Variants in RUNX1T1 observed in about 807,000 individuals in gnomAD.
The protein encoded by RUNX1T1 is protein CBFA2T1.
RUNX1T1 carries 4 observed loss-of-function variants against 62.8 expected under a neutral mutation model. The observed-to-expected ratio is 0.06, with a 90% confidence interval of 0.03 to 0.15. The LOEUF is 0.15. RUNX1T1 is among the 10% of genes least tolerant of loss of function. RUNX1T1 has a pLI of 1.00. For missense variants in RUNX1T1, 508 were observed against 754.3 expected (o/e 0.67, Z 3.82); for synonymous variants, 291 against 286.0 (o/e 1.02, Z -0.18).
chr8:92,054,410 T>C (rs1053065501), intron 1 of RUNX1T1, among the ~76,000 whole-genome samples: 2 of 152,170 alleles, frequency 1.3e-5, no homozygotes, highest in African/African-American at 4.8e-5. Flanking sequence ...CTGTCTCCTA[T>C]TTTTTAACTC....
intron 1 of RUNX1T1, among the ~76,000 whole-genome samples, chr8:92,054,546 CAAAG>C (rs755969293): frequency 1.3e-5 from 2 of 152,150 alleles, no homozygotes; most frequent in African/African-American, 2.4e-5. Flanking sequence ...ACTTTTAAGA[CAAAG>C]AGAGTGAAAC....
intron 10 of RUNX1T1, among the ~76,000 whole-genome samples, chr8:91,967,143 C>T (rs1335972266): frequency 2.0e-5 from 3 of 152,118 alleles, no homozygotes; most frequent in African/African-American, 7.2e-5. Context: ...AGTAAACGAG[C>T]TAAAGTATAG....
At chr8:92,065,432 C>T (rs1832732086), upstream of RUNX1T1, among the ~76,000 whole-genome samples, 1 of 152,136 alleles carries the variant, frequency 6.6e-6, no homozygotes, top group Non-Finnish European at 1.5e-5. Context: ...AGAACCTCAT[C>T]GGTTAATGTA....
intron 1 of RUNX1T1, among the ~76,000 whole-genome samples, chr8:92,059,870 G>C (rs1453074508): frequency 6.6e-6 from 1 of 152,076 alleles, no homozygotes; most frequent in Non-Finnish European, 1.5e-5. Flanking sequence ...GGCACATCTG[G>C]AGAGCAGGAC....
chr8:92,014,581 C>T (rs1161279056), exon 3 of RUNX1T1: 1 of 1,598,830 alleles, frequency 6.3e-7, no homozygotes, highest in Non-Finnish European at 8.5e-7. Context: ...TTGCTTACCA[C>T]TAGTCCCAGA....
At chr8:91,979,578 C>A (rs1200096644) in intron 8 of RUNX1T1, among the ~76,000 whole-genome samples, 1 of 151,134 alleles carries the variant, frequency 6.6e-6, no homozygotes, top group Non-Finnish European at 1.5e-5. Flanking sequence ...TTAAGTCTAG[C>A]TTGCTTTGGG....
chr8:91,961,874 C>T (rs1159247314), intron 10 of RUNX1T1, among the ~76,000 whole-genome samples: 8 of 152,292 alleles, frequency 5.3e-5, no homozygotes, highest in Middle Eastern at 3.4e-3. Flanking sequence ...AAACAGCTGA[C>T]GCTATGTGCT....
chr8:91,981,531 C>T (rs1815270293), intron 8 of RUNX1T1, among the ~76,000 whole-genome samples: 2 of 150,048 alleles, frequency 1.3e-5, no homozygotes, highest in African/African-American at 2.5e-5. Context: ...ACTCCGGCCT[C>T]AGCCTCCCGA....
chr8:91,955,012 G>T, downstream of RUNX1T1: 1 of 200,266 alleles, frequency 5.0e-6, no homozygotes, highest in African/African-American at 2.3e-5. Context: ...TGGAATAAGG[G>T]TATAGACACC....
chr8:92,060,077 T>A (rs971675668), intron 1 of RUNX1T1, among the ~76,000 whole-genome samples: 2 of 152,082 alleles, frequency 1.3e-5, no homozygotes, highest in African/African-American at 4.8e-5. Context: ...AAGCTTGGAG[T>A]CACTGCCTCC....
At chr8:92,088,953 G>T (rs536258579) in intron 1 of RUNX1T1, among the ~76,000 whole-genome samples, 5 of 152,148 alleles carry the variant, frequency 3.3e-5, no homozygotes, top group African/African-American at 9.7e-5. Context: ...TTGTGGCAAA[G>T]AACTTCAATT....
At chr8:92,002,992 C>A (rs1470227411) in intron 5 of RUNX1T1, among the ~76,000 whole-genome samples, 1 of 152,132 alleles carries the variant, frequency 6.6e-6, no homozygotes, top group African/African-American at 2.4e-5. Flanking sequence ...ACAACATATT[C>A]TCATTACCCT....
chr8:91,988,226 G>T (rs1816964111), intron 6 of RUNX1T1, among the ~76,000 whole-genome samples: 1 of 152,062 alleles, frequency 6.6e-6, no homozygotes, highest in Non-Finnish European at 1.5e-5. Flanking sequence ...TGATGGAAGT[G>T]AACAAATTTA....
intron 6 of RUNX1T1, among the ~76,000 whole-genome samples, chr8:91,990,552 T>C (rs938704266): frequency 4.4e-4 from 67 of 152,202 alleles, no homozygotes; most frequent in African/African-American, 1.5e-3. Context: ...CCACTGATCA[T>C]ATGTTTAAAA....
intron 8 of RUNX1T1, among the ~76,000 whole-genome samples, chr8:91,976,580 G>A (rs1289011988): frequency 6.6e-6 from 1 of 152,210 alleles, no homozygotes; most frequent in African/African-American, 2.4e-5. Context: ...TGAGCAGAGA[G>A]AATTAGCCCA....
At chr8:92,010,478 T>C (rs912306954) in intron 4 of RUNX1T1, 1 of 152,324 alleles carries the variant, frequency 6.6e-6, no homozygotes, top group African/African-American at 2.4e-5. Context: ...CGGCAGCAGT[T>C]GGAGGAGACA....
intron 1 of RUNX1T1, among the ~76,000 whole-genome samples, chr8:92,078,201 TAA>T (rs753291234): frequency 8.1e-5 from 11 of 135,022 alleles, no homozygotes; most frequent in Non-Finnish European, 8.1e-5. Context: ...AAAGGGTAAC[TAA>T]AAAAAAAAAA....
At chr8:92,005,917 G>A (rs1820674052) in intron 4 of RUNX1T1, 2 of 151,612 alleles carry the variant, frequency 1.3e-5, no homozygotes, top group African/African-American at 4.9e-5. Flanking sequence ...AATGCATAAA[G>A]CAGTATATTC....
intron 1 of RUNX1T1, among the ~76,000 whole-genome samples, chr8:92,051,450 A>G (rs1830213127): frequency 6.6e-6 from 1 of 152,200 alleles, no homozygotes; most frequent in Non-Finnish European, 1.5e-5. Flanking sequence ...TTTAAAAATT[A>G]TATACCAACA....
Sources: gnomAD v4.1 joint callset for allele counts (sites outside exome capture counted in the v4.1 genomes callset) on GRCh38, gnomAD v4.1.1 for gene constraint, MANE v1.5 for transcripts, NCBI Gene and HGNC (gene_info 2026-07-23, HGNC 2026-07-21) for gene names.